The following TMEM178B variants were observed in gnomAD, a reference collection of about 807,000 sequenced individuals.
The protein encoded by TMEM178B is transmembrane protein 178B.
TMEM178B carries 5 observed loss-of-function variants against 31.0 expected under a neutral mutation model. That is an observed-to-expected ratio of 0.16 (90% confidence interval 0.08 to 0.34). The LOEUF (loss-of-function observed/expected upper bound fraction) is 0.34. Ranked by LOEUF, TMEM178B falls within the 10% of genes least tolerant of loss-of-function variation. The pLI is 1.00. For synonymous variants in TMEM178B, 164 were observed against 164.0 expected (o/e 1.00, Z 0.00); for missense variants, 275 against 400.3 (o/e 0.69, Z 2.67).
the TMEM178B span, among the ~76,000 whole-genome samples, chr7:141,506,223 A>G: frequency 1.3e-5 from 2 of 152,240 alleles, no homozygotes; most frequent in African/African-American, 4.8e-5. Flanking sequence ...CTAGTTCCTA[A>G]TATTCCCTAA....
intron 2 of TMEM178B, among the ~76,000 whole-genome samples, chr7:141,248,772 C>T (rs1797781404): frequency 6.6e-6 from 1 of 152,180 alleles, no homozygotes; most frequent in Admixed American, 6.5e-5. Context: ...AATGTGAAGG[C>T]CTATGACATT....
chr7:141,155,786 C>T (rs187948052), intron 1 of TMEM178B, among the ~76,000 whole-genome samples: 204 of 152,188 alleles, frequency 1.3e-3, no homozygotes, highest in African/African-American at 4.6e-3. Context: ...AATAAGGGGT[C>T]GGGCGTGGTG....
intron 3 of TMEM178B, among the ~76,000 whole-genome samples, chr7:141,449,349 A>T (rs1801820207): frequency 6.6e-6 from 1 of 151,874 alleles, no homozygotes; most frequent in African/African-American, 2.4e-5. Flanking sequence ...TTCTCTGAGG[A>T]TGGGGGCATT....
intron 1 of TMEM178B, among the ~76,000 whole-genome samples, chr7:141,129,255 A>G (rs528670404): frequency 1.4e-4 from 22 of 152,378 alleles, no homozygotes; most frequent in South Asian, 8.3e-4. Flanking sequence ...GAGGAGGTCC[A>G]GCATTCTCAT....
At chr7:141,321,842 C>A (rs1370257231) in intron 2 of TMEM178B, among the ~76,000 whole-genome samples, 1 of 151,206 alleles carries the variant, frequency 6.6e-6, no homozygotes, top group Non-Finnish European at 1.5e-5. Flanking sequence ...AAAAAAAGCT[C>A]TCTAGGTGAG....
chr7:141,347,980 T>C (rs1799649031), intron 2 of TMEM178B, among the ~76,000 whole-genome samples: 2 of 152,272 alleles, frequency 1.3e-5, no homozygotes, highest in African/African-American at 4.8e-5. Context: ...TTTCCAAAGG[T>C]CCACCTCAAT....
intron 1 of TMEM178B, among the ~76,000 whole-genome samples, chr7:141,159,111 G>T (rs1796124358): frequency 1.3e-5 from 2 of 151,978 alleles, no homozygotes; most frequent in African/African-American, 4.8e-5. Flanking sequence ...AACCTCTCCT[G>T]CCTGCACCCC....
intron 2 of TMEM178B, among the ~76,000 whole-genome samples, chr7:141,309,346 C>T (rs1225280327): frequency 6.6e-6 from 1 of 152,112 alleles, no homozygotes; most frequent in Non-Finnish European, 1.5e-5. Context: ...TTTCCATTCT[C>T]ACTAGTATAT....
At chr7:141,218,808 T>C (rs1797205179) in intron 2 of TMEM178B, among the ~76,000 whole-genome samples, 1 of 152,124 alleles carries the variant, frequency 6.6e-6, no homozygotes, top group Admixed American at 6.5e-5. Context: ...CTTCTCACCC[T>C]GAACTTGTGT....
At chr7:141,234,391 T>C (rs1797494814) in intron 2 of TMEM178B, among the ~76,000 whole-genome samples, 1 of 152,160 alleles carries the variant, frequency 6.6e-6, no homozygotes, top group South Asian at 2.1e-4. Flanking sequence ...AAAGACTTTC[T>C]AGATTGATGT....
Position 141,443,834 on chromosome 7 carries a change from A to T in TMEM178B, c.634+6089A>T, listed in dbSNP as rs150836608. Among the ~76,000 whole-genome samples the T allele has an allele frequency of 4.9e-3, 752 of 152,140 alleles. 5 individuals carry two copies. The highest frequency in any genetic ancestry group is 6.8e-3 in the Non-Finnish European group (462 of 67,982). On this transcript the variant is annotated intron_variant, in intron 3 of 3. Coordinates refer to ENST00000565468, the MANE Select transcript of TMEM178B (RefSeq NM_001195278.2). ...GTCTGTCTCTTCTCCCCCATTTATTAATTTATTCAGTCATTTATACCAGTG... is the reference window on the plus strand; with the variant it reads ...GTCTGTCTCTTCTCCCCCATTTATTTATTTATTCAGTCATTTATACCAGTG...
At chr7:141,315,916 C>T (rs1798996887) in intron 2 of TMEM178B, among the ~76,000 whole-genome samples, 1 of 152,182 alleles carries the variant, frequency 6.6e-6, no homozygotes, top group African/African-American at 2.4e-5. Context: ...TATGTAAAAA[C>T]ACAGTTTTAC....
chr7:141,364,786 G>A (rs543517605), intron 2 of TMEM178B, among the ~76,000 whole-genome samples: 54 of 152,078 alleles, frequency 3.6e-4, no homozygotes, highest in African/African-American at 1.2e-3. Flanking sequence ...CCCTGTAAGA[G>A]TAATGTAAAG....
chr7:141,446,087 G>A (rs1171171349), intron 3 of TMEM178B, among the ~76,000 whole-genome samples: 1 of 152,176 alleles, frequency 6.6e-6, no homozygotes, highest in African/African-American at 2.4e-5. Flanking sequence ...ACATTGTCAG[G>A]AGGACTAGGA....
intron 1 of TMEM178B, among the ~76,000 whole-genome samples, chr7:141,109,466 G>A (rs1795200194): frequency 6.6e-6 from 1 of 152,132 alleles, no homozygotes; most frequent in Non-Finnish European, 1.5e-5. Flanking sequence ...AAAGCTTTTG[G>A]ATTCTTACCT....
chr7:141,336,892 TACC>T (rs1419874448), intron 2 of TMEM178B, among the ~76,000 whole-genome samples: 15 of 18,954 alleles, frequency 7.9e-4, no homozygotes, highest in South Asian at 1.8e-3. Context: ...CCATCACCGC[TACC>T]ACCACCACCA....
At chr7:141,329,293 GTGTC>G (rs1412268554) in intron 2 of TMEM178B, among the ~76,000 whole-genome samples, 3 of 152,242 alleles carry the variant, frequency 2.0e-5, no homozygotes, top group East Asian at 3.9e-4. Flanking sequence ...ATTTGTAAAA[GTGTC>G]TGTCTGGGCA....
At chr7:141,256,341 G>A (rs1276767283) in intron 2 of TMEM178B, among the ~76,000 whole-genome samples, 2 of 152,168 alleles carry the variant, frequency 1.3e-5, no homozygotes, top group Non-Finnish European at 2.9e-5. Flanking sequence ...CATGAAGTGA[G>A]GGCAAACCCC....
At chr7:141,370,487 G>A (rs372721192) in intron 2 of TMEM178B, among the ~76,000 whole-genome samples, 11 of 152,206 alleles carry the variant, frequency 7.2e-5, no homozygotes, top group Admixed American at 5.2e-4. Flanking sequence ...TATGCAACAC[G>A]TTGGGTAAAA....
Sources: gnomAD v4.1 joint callset for allele counts (sites outside exome capture counted in the v4.1 genomes callset) on GRCh38, gnomAD v4.1.1 for gene constraint, MANE v1.5 for transcripts, NCBI Gene and HGNC (gene_info 2026-07-23, HGNC 2026-07-21) for gene names.